Variants in ALMS1 observed in about 807,000 individuals in gnomAD.
ALMS1 encodes ALMS1 centrosome and basal body associated protein.
A neutral mutation model predicts 352.2 loss-of-function variants in ALMS1; 271 were observed. That is an observed-to-expected ratio of 0.77 (90% CI 0.70 to 0.85). The LOEUF (loss-of-function observed/expected upper bound fraction) is 0.85, where lower values mean the gene tolerates loss of function less well. Among genes scored for constraint, ALMS1 ranks in the 40% least tolerant of loss-of-function variants. The pLI is 0.00. For synonymous variants in ALMS1, 1,865 were observed against 1,761.2 expected (o/e 1.06, Z -1.48); for missense variants, 5,445 against 4,870.7 (o/e 1.12, Z -3.51).
intron 16 of ALMS1, among the ~76,000 whole-genome samples, chr2:73,587,707 G>C (rs1675341236): frequency 6.6e-6 from 1 of 152,098 alleles, no homozygotes; most frequent in Non-Finnish European, 1.5e-5. Flanking sequence ...TTTTGCATCT[G>C]TGTTCATCAG....
Position 73,453,899 on chromosome 2 carries a change from G to T in ALMS1, c.7372G>T (p.Asp2458Tyr). 1 of 1,614,086 alleles carries T rather than the reference G, an allele frequency of 6.2e-7. No individual in the cohort carries two copies. The highest frequency in any genetic ancestry group is 8.5e-7 in the Non-Finnish European group (1 of 1,179,976). ...TGTTTCACCCAAGACAAGTATAACA[G>T]ATAGCAGGGAGGAAGAGGGTGTGTC... The part of the protein sequence containing the change: ...PYVSPKTSIT[D>Y]SREEEGVSES... Residue 2458 changes from aspartate to tyrosine, a missense_variant, in exon 8 of 23, where the codon GAT becomes TAT. Physicochemically the swap from Asp to Tyr is radical, Grantham distance 160. Transcript: ENST00000613296.
In ALMS1 at chr2:73,452,133, C is replaced by T; in HGVS notation, c.5606C>T (p.Thr1869Ile). The change falls in exon 8 of 23, where the codon ACT becomes ATT. Residue 1869 changes from threonine (T) to isoleucine (I), a missense_variant. By Grantham distance (89) the Thr-to-Ile change is moderately conservative. Transcript: ENST00000613296. ...TATGAGCAGGAGTTGCCAGATCTTA[C>T]TGAAGTAACTTTGAAAGCAATAGGG... ...ISYEQELPDLTEVTLKAIGVP... is the reference protein window; with the variant it reads ...ISYEQELPDLIEVTLKAIGVP... 6.2e-7 allele frequency: 1 copy of T among 1,608,816 alleles called. No homozygotes were observed. The highest frequency in any genetic ancestry group is 8.5e-7 in the Non-Finnish European group (1 of 1,176,628).
In ALMS1 at chr2:73,448,598, C is replaced by A. The variant is rs752875933; in HGVS notation, c.2071C>A (p.Gln691Lys). Residue 691 changes from glutamine to lysine, a missense_variant, in exon 8 of 23, where the codon CAG (glutamine) becomes AAG (lysine). Coordinates refer to ENST00000613296, the MANE Select transcript of ALMS1 (RefSeq NM_001378454.1). Reference sequence around the variant, plus strand: ...CTTGCCAGATGGTCATCTAACTGATCAGGCTCTGAAAGTCTCAGCTGTGTC... The same window carrying A: ...CTTGCCAGATGGTCATCTAACTGATAAGGCTCTGAAAGTCTCAGCTGTGTC... ...QTLPDGHLTD[Q>K]ALKVSAVSGP... is the part of the protein sequence containing the mutation. 6.2e-7 allele frequency: 1 copy of A among 1,613,348 alleles called. No individual in the cohort carries two copies. The highest frequency in any genetic ancestry group is 1.7e-4 in the Middle Eastern group (1 of 6,052).
At position 73,496,847 on chromosome 2, in the gene ALMS1, G is replaced by A. The variant is rs888291620; in HGVS notation, c.9539+5349G>A. Among the ~76,000 whole-genome samples the A allele has an allele frequency of 2.0e-4, 30 of 152,106 alleles. 1 individual carries two copies. The highest frequency in any genetic ancestry group is 1.4e-3 in the Admixed American group (22 of 15,270). On this transcript the variant is annotated intron_variant, in intron 10 of 22. Coordinates refer to ENST00000613296, the MANE Select transcript of ALMS1 (RefSeq NM_001378454.1). ...TTAATGGCTAATTATTATGAACACC[G>A]TTTCAAGAGCTTATTTGCCATCCTC...
In ALMS1 at chr2:73,422,906, G is replaced by A. The variant is rs1394347088; in HGVS notation, c.696G>A (p.Leu232=). 3 of 1,613,662 alleles carry A rather than the reference G, an allele frequency of 1.9e-6. No individual in the cohort carries two copies. The highest frequency in any genetic ancestry group is 2.5e-6 in the Non-Finnish European group (3 of 1,179,710). The change falls in exon 4 of 23, where the codon TTG becomes TTA. Residue 232 remains leucine (L), a synonymous_variant. Coordinates refer to ENST00000613296, the MANE Select transcript of ALMS1 (RefSeq NM_001378454.1). ...CTGATTTGCCTTTGCTGACCTGTTTGACACAAGACCAAGAATTTGCGCCTG... is the reference window on the plus strand; with the variant it reads ...CTGATTTGCCTTTGCTGACCTGTTTAACACAAGACCAAGAATTTGCGCCTG... ...ASPDLPLLTC[L]TQDQEFAPDS...
intron 10 of ALMS1, among the ~76,000 whole-genome samples, chr2:73,499,679 A>G (rs562059525): frequency 9.3e-4 from 142 of 151,990 alleles, no homozygotes; most frequent in Admixed American, 3.1e-3. Flanking sequence ...TTTAGTTTTT[A>G]TATTTGTCTC....
At chr2:73,567,899 GTGTCT>G (rs2104091066) in intron 15 of ALMS1, among the ~76,000 whole-genome samples, 1 of 152,158 alleles carries the variant, frequency 6.6e-6, no homozygotes, top group South Asian at 2.1e-4. Flanking sequence ...TAAAATTAAA[GTGTCT>G]TCATGGTAGA....
intron 18 of ALMS1, 85 bp from the exon 19 acceptor site, chr2:73,601,110 A>G (rs894788886): frequency 1.6e-5 from 25 of 1,598,566 alleles, no homozygotes; most frequent in African/African-American, 1.1e-4. Context: ...GAGAACCTGT[A>G]TTATATGCAT....
Position 73,450,230 on chromosome 2 carries a change from AC to A in ALMS1, c.3705del (p.Ser1236LeufsTer28). Reference sequence around the variant, plus strand: ...CCAGAAGACTGGGACACCAACTCCAACCTCTGCTTCTTACTCACACACAGAG... The same window carrying A: ...CCAGAAGACTGGGACACCAACTCCAACTCTGCTTCTTACTCACACACAGAG... ...ADQKTGTPTP[T>X]SASYSHTEKP... On this transcript the variant is annotated frameshift_variant, in exon 8 of 23. Transcript: ENST00000613296. LOFTEE classifies it high-confidence loss of function. The A allele has an allele frequency of 6.2e-7, 1 of 1,611,886 alleles. No individual in the cohort carries two copies. Among genetic ancestry groups the A allele is most frequent in the Non-Finnish European group, 8.5e-7 (1 of 1,179,324 alleles).
intron 9 of ALMS1, among the ~76,000 whole-genome samples, chr2:73,465,789 C>T (rs542822225): frequency 0.01 from 1,524 of 151,868 alleles, 9 homozygotes; most frequent in South Asian, 0.016. Flanking sequence ...AACAAATTTA[C>T]AAGAAAAAAA....
intron 9 of ALMS1, among the ~76,000 whole-genome samples, chr2:73,479,774 T>C (rs1202854277): frequency 2.6e-5 from 4 of 152,178 alleles, no homozygotes; most frequent in Non-Finnish European, 5.9e-5. Flanking sequence ...GTTGCATGTT[T>C]AGTTTTTTGA....
chr2:73,507,298 G>C (rs1489785735), intron 10 of ALMS1, among the ~76,000 whole-genome samples: 1 of 152,180 alleles, frequency 6.6e-6, no homozygotes, highest in Non-Finnish European at 1.5e-5. Flanking sequence ...CTCATAAAAT[G>C]AGTTAGGGAG....
chr2:73,414,489 G>GTTTTTTTTTTTTTTGT (rs11395837), intron 2 of ALMS1, among the ~76,000 whole-genome samples: 57 of 94,218 alleles, frequency 6.0e-4, no homozygotes, highest in East Asian at 1.7e-3. Context: ...TTTTTTTTTT[G>GTTTTTTTTTTTTTTGT]TTTTTTTTTT....
intron 9 of ALMS1, among the ~76,000 whole-genome samples, chr2:73,485,151 C>G (rs1672802671): frequency 1.3e-5 from 2 of 152,344 alleles, no homozygotes; most frequent in Non-Finnish European, 1.5e-5. Context: ...GAGAGGTGCT[C>G]TGCTTTTTAG....
Position 73,491,420 on chromosome 2 carries a change from C to G in ALMS1, c.9461C>G (p.Thr3154Ser), listed in dbSNP as rs1377763374. Residue 3154 changes from threonine (T) to serine (S), a missense_variant, in exon 10 of 23, where the codon ACC becomes AGC. By Grantham distance (58) the Thr-to-Ser change is moderately conservative. Coordinates refer to ENST00000613296, the MANE Select transcript of ALMS1 (RefSeq NM_001378454.1). ...CCTTCTCAGAATAGCCAGATAGTAA[C>G]CTCCAGGCAAATACAAGTGAACATT... The part of the protein sequence containing the change: ...TIPSQNSQIV[T>S]SRQIQVNISD... 3 of 1,614,028 alleles carry G rather than the reference C, an allele frequency of 1.9e-6. No homozygotes were observed. Among genetic ancestry groups the G allele is most frequent in the Admixed American group, 3.3e-5 (2 of 60,008 alleles).
At chr2:73,466,222 T>G (rs1325963469) in intron 9 of ALMS1, among the ~76,000 whole-genome samples, 4 of 152,000 alleles carry the variant, frequency 2.6e-5, no homozygotes, top group Non-Finnish European at 5.9e-5. Flanking sequence ...TAGCAAATAC[T>G]TGGAACCAAC....
rs11896293 is a variant in ALMS1, at chr2:73,572,931, G to A, written c.11054G>A (p.Ser3685Asn). 6,585 of 1,613,996 alleles carry A rather than the reference G, an allele frequency of 4.1e-3. 231 individuals are homozygous for A. In the African/African-American group the frequency reaches 0.075, roughly 18 times the overall value. The change falls in exon 16 of 23, where the codon AGC becomes AAC. Residue 3685 changes from serine to asparagine, a missense_variant. Ser to Asn is a conservative substitution (Grantham distance 46). Coordinates refer to ENST00000613296, the MANE Select transcript of ALMS1 (RefSeq NM_001378454.1). Reference sequence around the variant, plus strand: ...AAGCGGTTTAAAAGCCTAGAGAAAAGCCATAAAAATACAGGCGAGCTTAAA... The same window carrying A: ...AAGCGGTTTAAAAGCCTAGAGAAAAACCATAAAAATACAGGCGAGCTTAAA... ...KKKRFKSLEK[S>N]HKNTGELKKS...
intron 10 of ALMS1, among the ~76,000 whole-genome samples, chr2:73,517,949 C>T (rs944652861): frequency 3.3e-5 from 5 of 152,164 alleles, no homozygotes; most frequent in East Asian, 3.9e-4. Context: ...TGAGCCACCA[C>T]GCCTGACCTA....
At chr2:73,609,426 G>C in intron 22 of ALMS1, 142 bp from the exon 23 acceptor site, 1 of 789,224 alleles carries the variant, frequency 1.3e-6, no homozygotes, top group Non-Finnish European at 2.2e-6. Flanking sequence ...GACGACCATA[G>C]TTTCTGAAGC....
Sources: allele counts gnomAD v4.1 joint callset (sites outside exome capture counted in the v4.1 genomes callset), GRCh38; gene constraint gnomAD v4.1.1; transcripts MANE v1.5; gene names NCBI Gene and HGNC (gene_info 2026-07-23, HGNC 2026-07-21).